The following SYNE1 variants were observed in gnomAD, a reference collection of about 807,000 sequenced individuals.
SYNE1 encodes the protein nesprin-1.
Under a neutral mutation model 1,111.0 loss-of-function variants are expected in SYNE1, and 616 were observed. The observed-to-expected ratio is 0.55, with a 90% confidence interval of 0.52 to 0.59. SYNE1 has a LOEUF of 0.59. Among genes scored for constraint, SYNE1 ranks in the 20% least tolerant of loss-of-function variants. SYNE1 has a pLI of 0.00. For missense variants in SYNE1, 10,006 were observed against 10,417.0 expected (o/e 0.96, Z 1.72); for synonymous variants, 3,855 against 3,825.8 (o/e 1.01, Z -0.28).
At chr6:152,359,256 GAGCAC>G in intron 65 of SYNE1, 54 bp downstream of exon 65, 1 of 1,607,882 alleles carries the variant, frequency 6.2e-7, no homozygotes, top group Non-Finnish European at 8.5e-7. Flanking sequence ...GTCTTTAAAG[GAGCAC>G]AGCTCCAAAC....
At chr6:152,346,353 G>A (rs976177913) in intron 73 of SYNE1, among the ~76,000 whole-genome samples, 6 of 151,840 alleles carry the variant, frequency 4.0e-5, no homozygotes, top group Admixed American at 6.6e-5. Context: ...TTTTAGTGAA[G>A]ACGGGGTTTC....
chr6:152,232,882 T>A (rs9383614), intron 112 of SYNE1, among the ~76,000 whole-genome samples: 38,048 of 152,164 alleles, frequency 0.25, 5,128 homozygotes, highest in East Asian at 0.51. Flanking sequence ...TCAACTTCTG[T>A]GTGGTGCTGA....
At chr6:152,401,389 T>C (rs1199364533) in intron 46 of SYNE1, 48 bp from the exon 47 acceptor site, 2 of 1,565,370 alleles carry the variant, frequency 1.3e-6, no homozygotes, top group Non-Finnish European at 1.8e-6. Context: ...ACCAGAAGAA[T>C]ACTCATTCAG....
intron 131 of SYNE1, among the ~76,000 whole-genome samples, chr6:152,157,072 C>T (rs919970955): frequency 6.6e-6 from 1 of 152,128 alleles, no homozygotes; most frequent in Non-Finnish European, 1.5e-5. Context: ...GGTGATCCAC[C>T]CACCTAGGCC....
At chr6:152,593,137 C>T (rs138707071) in intron 3 of SYNE1, among the ~76,000 whole-genome samples, 11 of 152,310 alleles carry the variant, frequency 7.2e-5, no homozygotes, top group Admixed American at 2.0e-4. Flanking sequence ...GAGCTTGACT[C>T]CTGTTTATAT....
At chr6:152,429,859 C>T (rs557343974) in intron 36 of SYNE1, among the ~76,000 whole-genome samples, 11 of 152,280 alleles carry the variant, frequency 7.2e-5, no homozygotes, top group Admixed American at 2.0e-4. Flanking sequence ...AAATGTTACT[C>T]ATCCTAATTA....
chr6:152,307,284 T>C (rs1306140456), intron 91 of SYNE1, among the ~76,000 whole-genome samples: 3 of 152,204 alleles, frequency 2.0e-5, no homozygotes, highest in Non-Finnish European at 4.4e-5. Context: ...TGTTTGTAGA[T>C]GTCAAGAAAT....
rs1291277756 is a variant in SYNE1 at position 152,300,710 on chromosome 6, A to G, written c.17613T>C (p.Ser5871=). The G allele has an allele frequency of 6.2e-7, 1 of 1,613,756 alleles. No individual in the cohort carries two copies. Among genetic ancestry groups the G allele is most frequent in the South Asian group, 1.1e-5 (1 of 91,070 alleles). The change falls in exon 93 of 146, where the codon AGT becomes AGC. Residue 5871 remains serine, a synonymous_variant. Coordinates refer to ENST00000367255, the MANE Select transcript of SYNE1 (RefSeq NM_182961.4). ...TEESGEEGTN[S]EISSPPACRS... ...GACAGGCAGGTGGAGAGGAAATCTCACTGTTGGTTCCCTCCTCCCCAGACT... is the reference window on the plus strand; with the variant it reads ...GACAGGCAGGTGGAGAGGAAATCTCGCTGTTGGTTCCCTCCTCCCCAGACT...
chr6:152,124,818 A>G lies in SYNE1; in HGVS notation c.26154-2142T>C, dbSNP rs368958735. Among the ~76,000 whole-genome samples the G allele has an allele frequency of 7.4e-4, 113 of 152,356 alleles. No homozygotes were observed. The Middle Eastern group carries it at 0.01, about 14-fold the overall frequency. ...CTGAGCATAAAATATTCATGTTGAGACAGGGCCTTAGAGAGCATCCAGTTC... is the reference window on the plus strand; with the variant it reads ...CTGAGCATAAAATATTCATGTTGAGGCAGGGCCTTAGAGAGCATCCAGTTC... On this transcript the variant is annotated intron_variant, in intron 145 of 145. Coordinates refer to ENST00000367255, the MANE Select transcript of SYNE1 (RefSeq NM_182961.4).
At chr6:152,471,431 G>T (rs1384704067) in intron 16 of SYNE1, among the ~76,000 whole-genome samples, 166 bp downstream of exon 16, 1 of 152,172 alleles carries the variant, frequency 6.6e-6, no homozygotes, top group Non-Finnish European at 1.5e-5. Context: ...AATAGGTTTA[G>T]ATTTCAGATA....
rs1487871048 is a variant in SYNE1 at position 152,231,491 on chromosome 6, T to C, written c.20939A>G (p.Gln6980Arg). The change falls in exon 114 of 146, where the codon CAG (glutamine) becomes CGG (arginine). Residue 6980 changes from glutamine to arginine, a missense_variant. This residue lies in a region of SYNE1 where 2,182 missense variants were observed against 2,287.8 expected (regional missense o/e 0.95). Transcript: ENST00000367255. ...VNQSVLQISS[Q>R]DVESKRSDKT... ...ATCACTACGCTTACTTTCCACATCCTGACTGCTGATTTGTAGCACGGACTG... is the reference window on the plus strand; with the variant it reads ...ATCACTACGCTTACTTTCCACATCCCGACTGCTGATTTGTAGCACGGACTG... The C allele has an allele frequency of 3.7e-6, 6 of 1,614,202 alleles. No individual in the cohort carries two copies. The highest frequency in any genetic ancestry group is 5.1e-6 in the Non-Finnish European group (6 of 1,180,044).
intron 2 of SYNE1, among the ~76,000 whole-genome samples, chr6:152,630,265 T>C (rs551938580): frequency 5.3e-5 from 8 of 152,230 alleles, no homozygotes; most frequent in African/African-American, 1.9e-4. Context: ...TGGAAGTCAT[T>C]GGTAGGAAGA....
At position 152,144,481 on chromosome 6, in the gene SYNE1, A is replaced by AGT. The variant is rs58614483; in HGVS notation, c.24977-718_24977-717dup. Reference sequence around the variant, plus strand: ...AACATTTCTTTGTAAAATTACTGAGAGTGTGTGTGTGTGTGTGTGTGTGTG... The same window carrying AGT: ...AACATTTCTTTGTAAAATTACTGAGAGTGTGTGTGTGTGTGTGTGTGTGTGTG... On this transcript the variant is annotated intron_variant, in intron 137 of 145. Coordinates refer to ENST00000367255, the MANE Select transcript of SYNE1 (RefSeq NM_182961.4). 696 of 112,274 alleles carry AGT rather than the reference A, an allele frequency of 6.2e-3. 5 individuals are homozygous for AGT. The highest frequency in any genetic ancestry group is 0.035 in the East Asian group (146 of 4,154). 7.0% of individuals were successfully genotyped at this position (112,274 alleles called of 1,614,324 possible).
rs961812549 is a variant in SYNE1 at position 152,628,457 on chromosome 6, C to T, written c.-126G>A. The T allele has an allele frequency of 5.4e-6, 5 of 924,168 alleles. No individual in the cohort carries two copies. The highest frequency in any genetic ancestry group is 7.0e-6 in the Non-Finnish European group (4 of 569,616). The allele number at this position is 924,168 out of a possible 1,614,324, so 57.2% of individuals were successfully genotyped here. ...ATTCTGTCATAAATGAATTCCAGGC[C>T]TTTGCAGCACTCAACAAGGAGGCAG... On this transcript the variant is annotated 5_prime_UTR_variant, in exon 3 of 146. Transcript: ENST00000367255.
At chr6:152,524,480 G>A (rs1406788164) in intron 5 of SYNE1, among the ~76,000 whole-genome samples, 1 of 151,710 alleles carries the variant, frequency 6.6e-6, no homozygotes, top group East Asian at 1.9e-4. Flanking sequence ...ATATCTAAAT[G>A]GCCAGTTATA....
At chr6:152,293,840 C>T in intron 94 of SYNE1, 91 bp from the exon 95 acceptor site, 1 of 1,605,074 alleles carries the variant, frequency 6.2e-7, no homozygotes, top group Non-Finnish European at 8.5e-7. Context: ...ACCTCTGTGG[C>T]CCAACATAGG....
At chr6:152,273,252 T>A (rs1414130214) in intron 98 of SYNE1, among the ~76,000 whole-genome samples, 1 of 152,212 alleles carries the variant, frequency 6.6e-6, no homozygotes, top group Admixed American at 6.5e-5. Context: ...ACATGCTCAG[T>A]CCAGCCCGCT....
At chr6:152,393,606 G>A (rs2154137593) in intron 51 of SYNE1, among the ~76,000 whole-genome samples, 1 of 152,014 alleles carries the variant, frequency 6.6e-6, no homozygotes, top group South Asian at 2.1e-4. Context: ...TAAATGAAGA[G>A]CTTACACTAT....
intron 4 of SYNE1, among the ~76,000 whole-genome samples, chr6:152,529,247 G>T (rs1338000157): frequency 2.6e-5 from 4 of 152,088 alleles, no homozygotes; most frequent in African/African-American, 4.8e-5. Context: ...TTTATATATT[G>T]TATGTAGTCT....
Sources: allele counts gnomAD v4.1 joint callset (sites outside exome capture counted in the v4.1 genomes callset), GRCh38; gene constraint gnomAD v4.1.1; regional missense constraint gnomAD v4.1.1; transcripts MANE v1.5; gene names NCBI Gene and HGNC (gene_info 2026-07-23, HGNC 2026-07-21).